Variants in ANKRD11 observed in about 807,000 individuals in gnomAD.
ANKRD11 encodes ankyrin repeat domain-containing protein 11.
A neutral mutation model predicts 195.7 loss-of-function variants in ANKRD11; 17 were observed. The observed-to-expected ratio is 0.09, with a 90% CI of 0.06 to 0.13. The LOEUF (loss-of-function observed/expected upper bound fraction) is 0.13, where lower values mean the gene tolerates loss of function less well. ANKRD11 is among the 10% of genes least tolerant of loss of function. The pLI, the probability that ANKRD11 is intolerant of heterozygous loss-of-function variation, is 1.00. For missense variants in ANKRD11, 3,735 were observed against 3,566.1 expected (o/e 1.05, Z -1.21); for synonymous variants, 1,953 against 1,528.1 (o/e 1.28, Z -6.49).
intron 4 of ANKRD11, chr16:89,301,749 C>G: frequency 2.5e-6 from 1 of 397,804 alleles, no homozygotes; most frequent in East Asian, 3.6e-5. Flanking sequence ...TTAAACTGGG[C>G]TGATTCACAA....
intron 1 of ANKRD11, among the ~76,000 whole-genome samples, chr16:89,462,900 G>C (rs1186839126): frequency 1.3e-5 from 2 of 151,724 alleles, no homozygotes; most frequent in East Asian, 2.0e-4. Flanking sequence ...AGGGAGGTGA[G>C]GGGGTCAGCC....
chr16:89,289,287 A>T (rs539012741), intron 6 of ANKRD11, among the ~76,000 whole-genome samples: 255 of 139,330 alleles, frequency 1.8e-3, no homozygotes, highest in African/African-American at 5.5e-3. Flanking sequence ...AAAATGCTTT[A>T]AAAAAAAAAG....
chr16:89,443,924 G>A (rs568860823), intron 1 of ANKRD11, among the ~76,000 whole-genome samples: 28 of 152,280 alleles, frequency 1.8e-4, no homozygotes, highest in South Asian at 6.2e-4. Context: ...CTGCCGTGCC[G>A]GGCCGGCGTC....
chr16:89,443,729 A>T (rs1190734645), intron 1 of ANKRD11, among the ~76,000 whole-genome samples: 2 of 152,226 alleles, frequency 1.3e-5, no homozygotes, highest in Admixed American at 1.3e-4. Context: ...CCTTTATTAC[A>T]TGTAAAGATA....
chr16:89,293,881 A>C (rs2035244219), intron 4 of ANKRD11, among the ~76,000 whole-genome samples: 1 of 152,134 alleles, frequency 6.6e-6, no homozygotes, highest in Admixed American at 6.5e-5. Flanking sequence ...GCAGAGGCAA[A>C]GGCGTTCCTT....
intron 2 of ANKRD11, chr16:89,412,672 G>A (rs1362170787): frequency 6.6e-6 from 1 of 151,856 alleles, no homozygotes; most frequent in African/African-American, 2.4e-5. Context: ...CTAGATCCAG[G>A]CAAAATGTTT....
intron 2 of ANKRD11, among the ~76,000 whole-genome samples, chr16:89,321,970 A>G (rs1269967994): frequency 6.6e-6 from 1 of 152,206 alleles, no homozygotes; most frequent in South Asian, 2.1e-4. Context: ...TTTTCTCCTC[A>G]TGATCTCAGT....
intron 1 of ANKRD11, among the ~76,000 whole-genome samples, chr16:89,422,870 C>A (rs1385022948): frequency 6.6e-6 from 1 of 152,216 alleles, no homozygotes; most frequent in Non-Finnish European, 1.5e-5. Flanking sequence ...CCACTTTAAT[C>A]ACTTTTTTCT....
intron 2 of ANKRD11, among the ~76,000 whole-genome samples, chr16:89,326,736 T>C (rs1307026668): frequency 3.3e-5 from 5 of 152,008 alleles, no homozygotes; most frequent in East Asian, 1.9e-4. Flanking sequence ...AGCAAGACCC[T>C]GTGTGAAAAA....
chr16:89,406,474 C>T (rs150660239), intron 2 of ANKRD11, among the ~76,000 whole-genome samples: 6 of 152,196 alleles, frequency 3.9e-5, no homozygotes, highest in Non-Finnish European at 8.8e-5. Context: ...AAAGGAGCCA[C>T]CGTGCACCGT....
chr16:89,431,862 C>A (rs2042992333), intron 1 of ANKRD11, among the ~76,000 whole-genome samples: 1 of 152,128 alleles, frequency 6.6e-6, no homozygotes, highest in Non-Finnish European at 1.5e-5. Flanking sequence ...GCCCTCACCC[C>A]ACTCCTTCCT....
At chr16:89,274,019 C>CGAG (rs1425150030) in intron 11 of ANKRD11, among the ~76,000 whole-genome samples, 1 of 152,048 alleles carries the variant, frequency 6.6e-6, no homozygotes, top group Non-Finnish European at 1.5e-5. Context: ...CAGTGGGCTC[C>CGAG]GAGGAGGAGG....
At chr16:89,272,653 G>C (rs1351372026) in intron 11 of ANKRD11, 2 of 152,252 alleles carry the variant, frequency 1.3e-5, no homozygotes, top group African/African-American at 4.8e-5. Context: ...CTGGGTGACA[G>C]AGGAAGACTC....
At chr16:89,452,198 C>T (rs1346619943) in intron 1 of ANKRD11, among the ~76,000 whole-genome samples, 1 of 151,994 alleles carries the variant, frequency 6.6e-6, no homozygotes, top group African/African-American at 2.4e-5. Flanking sequence ...GTGGAGGTTG[C>T]AGTAAGCCGA....
intron 1 of ANKRD11, among the ~76,000 whole-genome samples, chr16:89,470,941 T>C (rs2057063234): frequency 1.3e-5 from 2 of 152,130 alleles, no homozygotes; most frequent in Admixed American, 6.5e-5. Flanking sequence ...TGCAGTGAGC[T>C]GAGATCATGC....
intron 2 of ANKRD11, among the ~76,000 whole-genome samples, chr16:89,357,741 A>G (rs551826350): frequency 1.2e-4 from 19 of 152,342 alleles, no homozygotes; most frequent in African/African-American, 4.3e-4. Flanking sequence ...AGGGACAAAC[A>G]GCAGCTGCAC....
intron 2 of ANKRD11, among the ~76,000 whole-genome samples, chr16:89,345,453 T>G (rs1019387455): frequency 2.0e-5 from 3 of 152,176 alleles, no homozygotes; most frequent in Admixed American, 2.0e-4. Flanking sequence ...CCTCTGTCCC[T>G]GCAGCCACGG....
chr16:89,276,321 G>A (rs1257116263), intron 9 of ANKRD11, among the ~76,000 whole-genome samples: 3 of 152,202 alleles, frequency 2.0e-5, no homozygotes, highest in African/African-American at 4.8e-5. Context: ...TGCTGCAGAC[G>A]AGAGCCGTGG....
chr16:89,350,090 T>C (rs1274568398), intron 2 of ANKRD11, among the ~76,000 whole-genome samples: 1 of 152,002 alleles, frequency 6.6e-6, no homozygotes, highest in African/African-American at 2.4e-5. Flanking sequence ...AAAAGCCACA[T>C]GAAAAGACAA....
Sources: gnomAD v4.1 joint callset for allele counts (sites outside exome capture counted in the v4.1 genomes callset) on GRCh38, gnomAD v4.1.1 for gene constraint, MANE v1.5 for transcripts, NCBI Gene and HGNC (gene_info 2026-07-23, HGNC 2026-07-21) for gene names.